Variants in DAB1 observed in about 807,000 individuals in gnomAD.
The protein encoded by DAB1 is disabled homolog 1.
A neutral mutation model predicts 64.6 loss-of-function variants in DAB1; 15 were observed. The observed-to-expected ratio is 0.23, with a 90% CI of 0.16 to 0.36. DAB1 has a LOEUF of 0.36. Ranked by LOEUF, DAB1 falls within the 10% of genes least tolerant of loss-of-function variation. The pLI, the probability that DAB1 is intolerant of heterozygous loss-of-function variation, is 1.00. For missense variants in DAB1, 596 were observed against 706.7 expected, an observed-to-expected ratio of 0.84 and a Z score of 1.78; for synonymous variants, 235 against 251.9, an observed-to-expected ratio of 0.93 and a Z score of 0.64.
chr1:57,115,705 G>C (rs1006970004), intron 4 of DAB1, among the ~76,000 whole-genome samples: 1 of 152,174 alleles, frequency 6.6e-6, no homozygotes, highest in East Asian at 1.9e-4. Context: ...GTTGGGAAAG[G>C]CTCAGGAAGA....
chr1:57,449,671 G>T (rs1686278971), intron 7 of DAB1, among the ~76,000 whole-genome samples: 1 of 152,126 alleles, frequency 6.6e-6, no homozygotes, highest in South Asian at 2.1e-4. Context: ...AAGCTGCCAT[G>T]TCCAGCCATT....
chr1:57,940,986 G>C (rs1011904654), intron 5 of DAB1, among the ~76,000 whole-genome samples: 2 of 152,230 alleles, frequency 1.3e-5, no homozygotes, highest in African/African-American at 4.8e-5. Flanking sequence ...TATAAGGTTT[G>C]AGAGCAATGC....
chr1:58,532,689 A>T (rs1221867296), intron 1 of DAB1, among the ~76,000 whole-genome samples: 1 of 152,064 alleles, frequency 6.6e-6, no homozygotes, highest in Non-Finnish European at 1.5e-5. Flanking sequence ...CACCATGCTC[A>T]GCTAATTTTT....
chr1:57,146,199 C>A (rs1049455358), intron 2 of DAB1, among the ~76,000 whole-genome samples: 1 of 152,200 alleles, frequency 6.6e-6, no homozygotes, highest in African/African-American at 2.4e-5. Flanking sequence ...CCACTCTTCA[C>A]AACAAGCAAA....
intron 3 of DAB1, among the ~76,000 whole-genome samples, chr1:58,379,038 T>G (rs924596333): frequency 4.6e-5 from 7 of 151,366 alleles, no homozygotes; most frequent in African/African-American, 1.7e-4. Flanking sequence ...CTGCTTCGGC[T>G]CGCGCATGGT....
intron 1 of DAB1, among the ~76,000 whole-genome samples, chr1:57,295,923 T>A (rs372919174): frequency 6.6e-6 from 1 of 152,064 alleles, no homozygotes; most frequent in African/African-American, 2.4e-5. Flanking sequence ...TAAATGGGCA[T>A]CATAAGCACA....
At chr1:57,283,084 C>G (rs1672042450) in intron 2 of DAB1, among the ~76,000 whole-genome samples, 3 of 152,208 alleles carry the variant, frequency 2.0e-5, no homozygotes, top group African/African-American at 7.2e-5. Flanking sequence ...AGCCCCATGA[C>G]CTGGGGCAAG....
intron 5 of DAB1, among the ~76,000 whole-genome samples, chr1:58,102,289 TAGTC>T (rs1651369720): frequency 6.6e-6 from 1 of 151,886 alleles, no homozygotes. Flanking sequence ...TAGGAAAAGG[TAGTC>T]TGATGGGGAG....
chr1:58,195,138 GAGAGACA>G (rs1557690678), intron 4 of DAB1, among the ~76,000 whole-genome samples: 18 of 82,208 alleles, frequency 2.2e-4, no homozygotes, highest in African/African-American at 9.1e-4. Flanking sequence ...GAGAGAGAGA[GAGAGACA>G]GAGAGACAGA....
At chr1:58,279,337 T>G (rs1661505854) in intron 4 of DAB1, among the ~76,000 whole-genome samples, 1 of 152,172 alleles carries the variant, frequency 6.6e-6, no homozygotes, top group Non-Finnish European at 1.5e-5. Context: ...ATATGGAGAT[T>G]AATAAACCTA....
chr1:58,167,678 A>C (rs1277179061), intron 4 of DAB1, among the ~76,000 whole-genome samples: 1 of 152,234 alleles, frequency 6.6e-6, no homozygotes, highest in African/African-American at 2.4e-5. Flanking sequence ...TATGAGCTGT[A>C]ACACTCACCA....
intron 5 of DAB1, among the ~76,000 whole-genome samples, chr1:58,146,619 G>C (rs966762738): frequency 6.6e-6 from 1 of 152,126 alleles, no homozygotes; most frequent in East Asian, 1.9e-4. Flanking sequence ...GTCTCTGCCT[G>C]GCTCTATTTC....
chr1:58,300,640 GAGAGAGAGGAAGGAAGGAAGGAAGGA>G (rs1662136088), intron 4 of DAB1, among the ~76,000 whole-genome samples: 1 of 57,420 alleles, frequency 1.7e-5, no homozygotes, highest in Non-Finnish European at 3.6e-5. Context: ...GAGAGAGAGA[GAGAGAGAGGAAGGAAGGAAGGAAGGA>G]AGGAAGGAAG....
chr1:58,141,322 C>T (rs542213142), intron 5 of DAB1, among the ~76,000 whole-genome samples: 5 of 152,138 alleles, frequency 3.3e-5, no homozygotes, highest in South Asian at 2.1e-4. Context: ...GGCAAGAGAG[C>T]GTGTGTAGGG....
Position 58,377,829 on chromosome 1 carries a change from G to C in DAB1, n.258-34426C>G, listed in dbSNP as rs1271825391. 2.1e-5 allele frequency among the ~76,000 whole-genome samples: 3 copies of C among 140,320 alleles called. No homozygotes were observed. The South Asian group carries it at 6.9e-4, about 32-fold the overall frequency. 92.1% of individuals were successfully genotyped at this position (140,320 alleles called of 152,430 possible). A position where few individuals can be genotyped will look rare whatever the true frequency, so the allele number is the denominator to read the frequency against. ...CTTTCAGGTACACCAATCAGACGTA[G>C]ATTTGGTCTTTTCACATAGTCCCAT... On this transcript the variant is annotated intron_variant and non_coding_transcript_variant, in intron 3 of 20. Coordinates refer to the DAB1 transcript ENST00000485760.
At chr1:58,208,698 C>T (rs1447122751) in intron 4 of DAB1, among the ~76,000 whole-genome samples, 3 of 152,052 alleles carry the variant, frequency 2.0e-5, no homozygotes, top group Non-Finnish European at 4.4e-5. Flanking sequence ...TGATTATGGG[C>T]ATTTGGGCTG....
At chr1:58,494,787 G>A (rs1645766312) in intron 3 of DAB1, among the ~76,000 whole-genome samples, 1 of 152,336 alleles carries the variant, frequency 6.6e-6, no homozygotes, top group Middle Eastern at 3.4e-3. Flanking sequence ...TGGAGAGGAT[G>A]TGGAGAAATA....
At chr1:58,206,300 G>C (rs1299254710) in intron 4 of DAB1, among the ~76,000 whole-genome samples, 1 of 152,224 alleles carries the variant, frequency 6.6e-6, no homozygotes, top group African/African-American at 2.4e-5. Context: ...TAGGCAATCA[G>C]ATATGCATTT....
intron 1 of DAB1, among the ~76,000 whole-genome samples, chr1:57,845,630 G>T (rs1224252080): frequency 6.6e-6 from 1 of 152,116 alleles, no homozygotes; most frequent in Non-Finnish European, 1.5e-5. Flanking sequence ...TTAAAGAAAA[G>T]TACACGACAT....
Sources: gnomAD v4.1 joint callset for allele counts (sites outside exome capture counted in the v4.1 genomes callset) on GRCh38, gnomAD v4.1.1 for gene constraint, MANE v1.5 for transcripts, NCBI Gene and HGNC (gene_info 2026-07-23, HGNC 2026-07-21) for gene names.